Variants in PCDH10 observed in about 807,000 individuals in gnomAD.
PCDH10 encodes protocadherin-10.
A neutral mutation model predicts 74.4 loss-of-function variants in PCDH10; 15 were observed. The ratio of observed to expected loss-of-function variants is 0.20; its 90% CI spans 0.13 to 0.31. The LOEUF (loss-of-function observed/expected upper bound fraction) is 0.31. Ranked by LOEUF, PCDH10 falls within the 10% of genes least tolerant of loss-of-function variation. The probability of loss-of-function intolerance (pLI) is 1.00; values close to 1 mark genes in which losing one functional copy is unlikely to be tolerated. For missense variants in PCDH10, 1,260 were observed against 1,390.2 expected (o/e 0.91, Z 1.49); for synonymous variants, 619 against 589.8 (o/e 1.05, Z -0.72).
At position 133,190,270 on chromosome 4, in the gene PCDH10, T is replaced by TG; in HGVS notation, c.*111dup. ...GGCCATCCAGTTAGTCATGTGTAAC[T>TG]GAGTATTAGATTTCGGATGGAGTCA... On this transcript the variant is annotated 3_prime_UTR_variant, in exon 5 of 5. Coordinates refer to ENST00000264360, the MANE Select transcript of PCDH10 (RefSeq NM_032961.3). 2.1e-6 allele frequency: 2 copies of TG among 947,762 alleles called. No homozygotes were observed. Among genetic ancestry groups the TG allele is most frequent in the Non-Finnish European group, 3.5e-6 (2 of 579,314 alleles). 58.7% of individuals were successfully genotyped at this position (947,762 alleles called of 1,614,324 possible). A position where few individuals can be genotyped will look rare whatever the true frequency, so the allele number is the denominator to read the frequency against.
chr4:133,170,078 T>G (rs1192131204), intron 4 of PCDH10, among the ~76,000 whole-genome samples: 1 of 151,938 alleles, frequency 6.6e-6, no homozygotes, highest in East Asian at 1.9e-4. Context: ...TCAATTTAGG[T>G]GAGGAGAGTG....
intron 4 of PCDH10, among the ~76,000 whole-genome samples, chr4:133,173,915 G>T (rs923996758): frequency 6.6e-6 from 1 of 151,742 alleles, no homozygotes; most frequent in African/African-American, 2.4e-5. Flanking sequence ...GTATTAAAAA[G>T]TATGCATCAT....
chr4:133,206,747 A>G (rs994424708), intron 2 of PCDH10, among the ~76,000 whole-genome samples: 4 of 151,992 alleles, frequency 2.6e-5, no homozygotes, highest in African/African-American at 7.2e-5. Context: ...GCATTAATTG[A>G]CCTCTCCCCT....
rs369392579 is a variant in PCDH10 at position 133,150,848 on chromosome 4, C to T, written c.708C>T (p.Leu236=). The T allele has an allele frequency of 1.1e-5, 17 of 1,603,170 alleles. No homozygotes were observed. The African/African-American group carries it at 1.6e-4, about 15-fold the overall frequency. ...PQQQRTGTAL[L]TIRVLDSNDN... The stretch of plus-strand genomic sequence containing the variant: ...AGCAGCGCACCGGCACGGCCCTACT[C>T]ACCATCCGAGTGCTGGACTCCAATG... Residue 236 remains leucine (L), a synonymous_variant, in exon 1 of 5, where the codon CTC becomes CTT. Coordinates refer to ENST00000264360, the MANE Select transcript of PCDH10 (RefSeq NM_032961.3).
At chr4:133,160,515 C>T (rs927671624) in intron 3 of PCDH10, among the ~76,000 whole-genome samples, 8 of 149,946 alleles carry the variant, frequency 5.3e-5, no homozygotes, top group African/African-American at 7.4e-5. Flanking sequence ...CTCAAATAAT[C>T]GAAAGAGGCA....
chr4:133,157,110 T>A (rs933725403), intron 3 of PCDH10, among the ~76,000 whole-genome samples: 3 of 152,226 alleles, frequency 2.0e-5, no homozygotes, highest in African/African-American at 7.2e-5. Flanking sequence ...AATCCTTTTA[T>A]GTATCTTATT....
intron 3 of PCDH10, among the ~76,000 whole-genome samples, chr4:133,156,410 C>T (rs1387154769): frequency 6.6e-5 from 10 of 152,232 alleles, no homozygotes; most frequent in Non-Finnish European, 2.9e-5. Flanking sequence ...CTGCCCCTTG[C>T]GGGCCTTCAC....
rs1349065131 is a variant in PCDH10 at position 133,150,555 on chromosome 4, A to T, written c.415A>T (p.Thr139Ser). The T allele has an allele frequency of 1.2e-6, 2 of 1,613,372 alleles. No individual in the cohort carries two copies. Among genetic ancestry groups the T allele is most frequent in the Admixed American group, 3.3e-5 (2 of 59,944 alleles). The change falls in exon 1 of 5, where the codon ACT becomes TCT. Residue 139 changes from threonine (T) to serine (S), a missense_variant. Thr to Ser is a moderately conservative substitution (Grantham distance 58, BLOSUM62 1). This residue lies in a region of PCDH10 where 63 missense variants were observed against 100.7 expected (regional missense o/e 0.63). Coordinates refer to ENST00000264360, the MANE Select transcript of PCDH10 (RefSeq NM_032961.3). ...AATCTCTGAGAGCGCCACGCCAGGC[A>T]CTCGCTTCCCCTTGGAGAGCGCATT... ...VEISESATPG[T>S]RFPLESAFDP...
intron 4 of PCDH10, among the ~76,000 whole-genome samples, chr4:133,165,912 A>T (rs975709810): frequency 6.6e-6 from 1 of 151,816 alleles, no homozygotes; most frequent in Non-Finnish European, 1.5e-5. Flanking sequence ...GGATGCAAAC[A>T]TTAAATAATG....
At chr4:133,152,902 C>A in intron 1 of PCDH10, 131 bp downstream of exon 1, 1 of 1,470,096 alleles carries the variant, frequency 6.8e-7, no homozygotes, top group South Asian at 1.4e-5. Flanking sequence ...GTTGTGGGAG[C>A]AGAGATGGGC....
intron 4 of PCDH10, among the ~76,000 whole-genome samples, chr4:133,189,579 A>G (rs897613348): frequency 3.9e-5 from 6 of 152,034 alleles, no homozygotes; most frequent in Non-Finnish European, 7.4e-5. Flanking sequence ...AAAAAAATGT[A>G]TGGGCCATAA....
intron 3 of PCDH10, among the ~76,000 whole-genome samples, chr4:133,161,386 G>C (rs1271070570): frequency 6.6e-6 from 1 of 152,022 alleles, no homozygotes; most frequent in Non-Finnish European, 1.5e-5. Context: ...CTAGAGTTAA[G>C]TATTAGATAA....
chr4:133,207,766 C>T (rs540687693), intron 2 of PCDH10, among the ~76,000 whole-genome samples: 84 of 152,262 alleles, frequency 5.5e-4, no homozygotes, highest in Admixed American at 1.1e-3. Flanking sequence ...TAAAACCACA[C>T]TGGCAGAAAT....
At chr4:133,153,872 T>C in intron 1 of PCDH10, 1 of 161,522 alleles carries the variant, frequency 6.2e-6, no homozygotes, top group Non-Finnish European at 1.3e-5. Context: ...ACAACATAAT[T>C]CCATGAAATA....
chr4:133,177,704 T>C (rs1727324107), intron 4 of PCDH10, among the ~76,000 whole-genome samples: 1 of 152,164 alleles, frequency 6.6e-6, no homozygotes, highest in Non-Finnish European at 1.5e-5. Flanking sequence ...ATTAAACAAA[T>C]GTAATTGTTT....
intron 4 of PCDH10, among the ~76,000 whole-genome samples, chr4:133,179,273 C>G (rs1221708751): frequency 1.3e-5 from 2 of 152,106 alleles, no homozygotes; most frequent in East Asian, 3.9e-4. Context: ...CTCTCTTTTA[C>G]TATCTAGCTT....
chr4:133,171,981 A>G (rs574963358), intron 4 of PCDH10, among the ~76,000 whole-genome samples: 2 of 152,194 alleles, frequency 1.3e-5, no homozygotes, highest in African/African-American at 2.4e-5. Context: ...AGAGGACAAT[A>G]TTATACAGAA....
At chr4:133,188,065 T>C (rs1390339976) in intron 4 of PCDH10, among the ~76,000 whole-genome samples, 1 of 152,144 alleles carries the variant, frequency 6.6e-6, no homozygotes, top group Non-Finnish European at 1.5e-5. Context: ...AAAGAATGTT[T>C]CCTCTAAATC....
intron 4 of PCDH10, among the ~76,000 whole-genome samples, chr4:133,183,182 GTAT>G (rs1048418849): frequency 1.4e-4 from 22 of 152,008 alleles, no homozygotes; most frequent in Non-Finnish European, 2.9e-4. Context: ...TTAATTAGAA[GTAT>G]TATTAAATCA....
Sources: allele counts gnomAD v4.1 joint callset (sites outside exome capture counted in the v4.1 genomes callset), GRCh38; gene constraint gnomAD v4.1.1; regional missense constraint gnomAD v4.1.1; transcripts MANE v1.5; gene names NCBI Gene and HGNC (gene_info 2026-07-23, HGNC 2026-07-21).